MYO15A: variants seen among roughly 807,000 people sequenced by gnomAD.
MYO15A encodes myosin XVA.
A neutral mutation model predicts 394.6 loss-of-function variants in MYO15A; 308 were observed. That is an observed-to-expected ratio of 0.78 (90% confidence interval 0.71 to 0.86). MYO15A has a LOEUF of 0.86. MYO15A is among the 40% of genes least tolerant of loss of function. The pLI, the probability that MYO15A is intolerant of heterozygous loss-of-function variation, is 0.00. For missense variants in MYO15A, 4,606 were observed against 4,799.1 expected, an observed-to-expected ratio of 0.96 and a Z score of 1.19; for synonymous variants, 1,957 against 2,003.8, an observed-to-expected ratio of 0.98 and a Z score of 0.62.
intron 47 of MYO15A, chr17:18,155,905 G>C: frequency 2.0e-6 from 1 of 488,326 alleles, no homozygotes; most frequent in Non-Finnish European, 3.8e-6. Context: ...TTGGTCAATG[G>C]GTGAAAGAGA....
intron 1 of MYO15A, among the ~76,000 whole-genome samples, chr17:18,118,209 C>T (rs2045818385): frequency 6.6e-6 from 1 of 152,190 alleles, no homozygotes; most frequent in African/African-American, 2.4e-5. Context: ...CGCAGCCCAG[C>T]ACCTGCTCTG....
intron 3 of MYO15A, 159 bp from the exon 4 acceptor site, chr17:18,125,009 T>C (rs1216599655): frequency 1.6e-5 from 12 of 731,660 alleles, no homozygotes; most frequent in Non-Finnish European, 2.5e-5. Context: ...AGGCACAGAA[T>C]AGGGAAGTAA....
At chr17:18,173,549 T>C (rs2046971831) in intron 64 of MYO15A, 5 of 607,288 alleles carry the variant, frequency 8.2e-6, no homozygotes, top group Non-Finnish European at 1.5e-5. Context: ...GCCTGGTACA[T>C]GATAGATGCA....
chr17:18,136,518 C>T, intron 14 of MYO15A, 43 bp downstream of exon 14: 2 of 1,613,832 alleles, frequency 1.2e-6, no homozygotes, highest in Non-Finnish European at 1.7e-6. Flanking sequence ...AGGCCCAGCA[C>T]CCCACCACGG....
chr17:18,131,543 C>G lies in MYO15A; in HGVS notation c.4206+12C>G, dbSNP rs199946395. ...GGATCGTGTTTCAGGTGGGCCACCC[C>G]CTCCCAGGCCTCTGTGTTGGGCAGG... On this transcript the variant is annotated intron_variant, in intron 10 of 65. Coordinates refer to ENST00000647165, the MANE Select transcript of MYO15A (RefSeq NM_016239.4). 2.4e-5 allele frequency: 38 copies of G among 1,613,860 alleles called. No homozygotes were observed. Among genetic ancestry groups the G allele is most frequent in the South Asian group, 2.2e-5 (2 of 91,060 alleles).
At position 18,147,878 on chromosome 17, in the gene MYO15A, C is replaced by T; in HGVS notation, c.6510-151C>T. On this transcript the variant is annotated intron_variant, in intron 30 of 65. Coordinates refer to ENST00000647165, the MANE Select transcript of MYO15A (RefSeq NM_016239.4). This position sits in a 1 kb window ranked among gnomAD's most constrained non-coding sequence, Gnocchi z 4.4. ...CTAGCCTGGGACCCTTGTGAACCAGCCTGGAGCCTTTTTAGCCTCACCTTG... is the reference window on the plus strand; with the variant it reads ...CTAGCCTGGGACCCTTGTGAACCAGTCTGGAGCCTTTTTAGCCTCACCTTG... 3 of 973,694 alleles carry T rather than the reference C, an allele frequency of 3.1e-6. No homozygotes were observed. The Admixed American group carries it at 5.9e-5, about 19-fold the overall frequency. The allele number at this position is 973,694 out of a possible 1,614,324, so 60.3% of individuals were successfully genotyped here. A position where few individuals can be genotyped will look rare whatever the true frequency, so the allele number is the denominator to read the frequency against.
chr17:18,161,008 C>T (rs2046766297), intron 56 of MYO15A: 9 of 484,314 alleles, frequency 1.9e-5, no homozygotes, highest in South Asian at 1.7e-4. Flanking sequence ...TTCCCCTTTT[C>T]CCAGAAGCCT....
rs765089456 is a variant in MYO15A at position 18,171,744 on chromosome 17, C to T, written c.10189C>T (p.Pro3397Ser). 2 of 1,611,456 alleles carry T rather than the reference C, an allele frequency of 1.2e-6. No homozygotes were observed. The highest frequency in any genetic ancestry group is 3.3e-5 in the Admixed American group (2 of 60,012). The part of the protein sequence containing the change: ...QHRQQTQALS[P>S]HQARAQFLGL... ...CCGGCAGCAGACACAGGCGCTCAGCCCCCACCAGGCCCGTGCCCAGTTTCT... is the reference window on the plus strand; with the variant it reads ...CCGGCAGCAGACACAGGCGCTCAGCTCCCACCAGGCCCGTGCCCAGTTTCT... The change falls in exon 63 of 66, where the codon CCC becomes TCC. Residue 3397 changes from proline to serine, a missense_variant. Pro to Ser is a moderately conservative substitution (Grantham distance 74). Coordinates refer to ENST00000647165, the MANE Select transcript of MYO15A (RefSeq NM_016239.4).
chr17:18,130,360 T>A (rs971828248), intron 7 of MYO15A, among the ~76,000 whole-genome samples: 5 of 145,916 alleles, frequency 3.4e-5, no homozygotes, highest in African/African-American at 1.3e-4. Context: ...CCAATGGGGC[T>A]GAGGGCTACT....
chr17:18,178,007 G>A (rs559157898), intron 65 of MYO15A: 3 of 153,790 alleles, frequency 2.0e-5, no homozygotes, highest in South Asian at 2.0e-4. Context: ...GGAGCCAGGC[G>A]GTAACCATGG....
chr17:18,121,459 G>GGC lies in MYO15A; in HGVS notation c.2659_2660insGC (p.Val887GlyfsTer100). On this transcript the variant is annotated frameshift_variant, in exon 2 of 66. Transcript: ENST00000647165. LOFTEE classifies it high-confidence loss of function. This position sits in a 1 kb window ranked among gnomAD's most constrained non-coding sequence, Gnocchi z 5.3. ...ACCCACTCGGGCTGTGAAGCCGCAA[G>GGC]TGCGCCTGCCCTTCCACCGACCGCC... 6.5e-7 allele frequency: 1 copy of GGC among 1,549,230 alleles called. No individual in the cohort carries two copies. Among genetic ancestry groups the GGC allele is most frequent in the Non-Finnish European group, 8.7e-7 (1 of 1,146,984 alleles).
At chr17:18,125,419 G>A (rs1225314509) in intron 4 of MYO15A, 188 bp downstream of exon 4, 1 of 626,566 alleles carries the variant, frequency 1.6e-6, no homozygotes, top group Non-Finnish European at 2.8e-6. Flanking sequence ...CCAGAGGCCG[G>A]GCACAGTGGC....
At chr17:18,154,380 A>G (rs1276382406) in intron 44 of MYO15A, among the ~76,000 whole-genome samples, 190 bp downstream of exon 44, 1 of 152,156 alleles carries the variant, frequency 6.6e-6, no homozygotes, top group Non-Finnish European at 1.5e-5. Flanking sequence ...GTTCAACCCA[A>G]TCAGAGCCAT....
chr17:18,154,763 G>A lies in MYO15A; in HGVS notation c.8224+8G>A, dbSNP rs115647199. The A allele has an allele frequency of 2.7e-5, 44 of 1,613,026 alleles. No homozygotes were observed. In the South Asian group the frequency reaches 3.6e-4, roughly 13 times the overall value. Reference sequence around the variant, plus strand: ...GGATGAAGGCCTTGTTTGGTATCTCGGGGGAGAGGAGGGGTACTGATGGGG... The same window carrying A: ...GGATGAAGGCCTTGTTTGGTATCTCAGGGGAGAGGAGGGGTACTGATGGGG... On this transcript the variant is annotated splice_region_variant and intron_variant, in intron 45 of 65. Coordinates refer to ENST00000647165, the MANE Select transcript of MYO15A (RefSeq NM_016239.4).
Position 18,132,892 on chromosome 17 carries a change from G to A in MYO15A, c.4320+326G>A, listed in dbSNP as rs1018376479. Among the ~76,000 whole-genome samples, 45 of 152,304 alleles carry A rather than the reference G, an allele frequency of 3.0e-4. No individual in the cohort carries two copies. The highest frequency in any genetic ancestry group is 9.9e-4 in the African/African-American group (41 of 41,548). ...GGGACAACATAGTACCACTTTGCAG[G>A]GATGTAGTGAGGCTTAGATGAGGAA... On this transcript the variant is annotated intron_variant, in intron 11 of 65. Transcript: ENST00000647165. This position sits in a 1 kb window ranked among gnomAD's most constrained non-coding sequence, Gnocchi z 4.6.
At chr17:18,168,611 G>C (rs2046890826) in intron 62 of MYO15A, among the ~76,000 whole-genome samples, 1 of 151,228 alleles carries the variant, frequency 6.6e-6, no homozygotes, top group Non-Finnish European at 1.5e-5. Context: ...TTGCTACTTT[G>C]CCCAGGCTGA....
In MYO15A at chr17:18,151,875, G is replaced by C. The variant is rs375756031; in HGVS notation, c.7817G>C (p.Arg2606Pro). The C allele has an allele frequency of 6.3e-6, 10 of 1,578,310 alleles. No homozygotes were observed. The East Asian group carries it at 1.6e-4, about 25-fold the overall frequency. Residue 2606 changes from arginine to proline, a missense_variant, in exon 41 of 66, where the codon CGG becomes CCG. Around this residue, in one of 2 missense-constraint regions of MYO15A, gnomAD observed 2,776 missense variants for 3,109.3 expected, o/e 0.89. Coordinates refer to ENST00000647165, the MANE Select transcript of MYO15A (RefSeq NM_016239.4). ...GATGGCGGGAAAGTGTTCATGAAGC[G>C]GCCAGACCCTCATGAGGAGGCCCTG... ...RKDGGKVFMK[R>P]PDPHEEALMI...
chr17:18,163,119 G>A, intron 58 of MYO15A, 125 bp from the exon 59 acceptor site: 1 of 996,928 alleles, frequency 1.0e-6, no homozygotes, highest in Non-Finnish European at 1.6e-6. Flanking sequence ...CGGTCCAGGT[G>A]CTCAAGTGTT....
At chr17:18,165,873 C>T (rs901661180) in intron 60 of MYO15A, among the ~76,000 whole-genome samples, 1 of 152,206 alleles carries the variant, frequency 6.6e-6, no homozygotes, top group Non-Finnish European at 1.5e-5. Flanking sequence ...GACCCCAGTC[C>T]TCCCCACCCC....
Sources: allele counts gnomAD v4.1 joint callset (sites outside exome capture counted in the v4.1 genomes callset), GRCh38; gene constraint gnomAD v4.1.1; regional missense constraint gnomAD v4.1.1; non-coding constraint Gnocchi (gnomAD v3.1); transcripts MANE v1.5; gene names NCBI Gene and HGNC (gene_info 2026-07-23, HGNC 2026-07-21).